Variants in TRIO observed in about 807,000 individuals in gnomAD.
TRIO encodes triple functional domain protein.
Under a neutral mutation model 351.9 loss-of-function variants are expected in TRIO, and 58 were observed. The observed-to-expected ratio is 0.16, with a 90% CI of 0.13 to 0.21. The LOEUF is 0.21. Among genes scored for constraint, TRIO ranks in the 10% least tolerant of loss-of-function variants. The probability of loss-of-function intolerance (pLI) is 1.00; values close to 1 mark genes in which losing one functional copy is unlikely to be tolerated. For missense variants in TRIO, 3,201 were observed against 4,027.8 expected, an observed-to-expected ratio of 0.79 and a Z score of 5.56; for synonymous variants, 1,758 against 1,595.7, an observed-to-expected ratio of 1.10 and a Z score of -2.42.
At chr5:14,160,261 G>A (rs1340566918) in intron 1 of TRIO, among the ~76,000 whole-genome samples, 1 of 152,196 alleles carries the variant, frequency 6.6e-6, no homozygotes, top group Non-Finnish European at 1.5e-5. Flanking sequence ...AGGTCTGTCA[G>A]AACAAGAGTC....
chr5:14,487,807 G>A lies in TRIO; in HGVS notation c.7179G>A (p.Arg2393=), dbSNP rs1027020749. 3 of 1,416,170 alleles carry A rather than the reference G, an allele frequency of 2.1e-6. No individual in the cohort carries two copies. Among genetic ancestry groups the A allele is most frequent in the Admixed American group, 3.3e-5 (1 of 30,094 alleles). 87.7% of individuals were successfully genotyped at this position (1,416,170 alleles called of 1,614,324 possible). A position where few individuals can be genotyped will look rare whatever the true frequency, so the allele number is the denominator to read the frequency against. The change falls in exon 48 of 57, where the codon CGG becomes CGA. Residue 2393 remains arginine (R), a synonymous_variant. Transcript: ENST00000344204. The part of the protein sequence containing the change: ...PEAGPSAPSR[R]PPGADAEGSE... ...CCGGCCCCAGCGCGCCCAGCAGGCG[G>A]CCCCCCGGCGCGGACGCCGAGGGGT...
intron 33 of TRIO, chr5:14,418,667 T>A (rs1330979387): frequency 1.3e-5 from 2 of 152,776 alleles, no homozygotes; most frequent in Non-Finnish European, 2.9e-5. Context: ...TAGTCTGCAG[T>A]TGGGATGCTT....
chr5:14,391,877 T>A (rs1028193068), intron 27 of TRIO, among the ~76,000 whole-genome samples: 9 of 152,254 alleles, frequency 5.9e-5, no homozygotes, highest in African/African-American at 2.2e-4. Flanking sequence ...GTCATTCTCC[T>A]GACCATTACA....
intron 1 of TRIO, chr5:14,183,808 T>C (rs1789940058): frequency 1.6e-6 from 1 of 621,138 alleles, no homozygotes; most frequent in Admixed American, 2.2e-5. Flanking sequence ...ATTTGGGATA[T>C]CTAGAGGTTG....
At position 14,487,983 on chromosome 5, in the gene TRIO, G is replaced by A; in HGVS notation, c.7355G>A (p.Gly2452Glu). ...CTGCCGCTTGGGAAGCCCCGGGCCG[G>A]GGCCGCTTCGCCGCTGAACTCGCCG... is the stretch of plus-strand genomic sequence containing the variant. ...GTLPLGKPRA[G>E]AASPLNSPLS... The change falls in exon 48 of 57, where the codon GGG (glycine) becomes GAG (glutamate). Residue 2452 changes from glycine (G) to glutamate (E), a missense_variant. Physicochemically the swap from Gly to Glu is moderately conservative, Grantham distance 98. Transcript: ENST00000344204. 6.4e-7 allele frequency: 1 copy of A among 1,557,650 alleles called. No individual in the cohort carries two copies. The highest frequency in any genetic ancestry group is 8.7e-7 in the Non-Finnish European group (1 of 1,152,004).
At chr5:14,190,972 T>C (rs978065240) in intron 1 of TRIO, among the ~76,000 whole-genome samples, 1 of 150,796 alleles carries the variant, frequency 6.6e-6, no homozygotes, top group African/African-American at 2.5e-5. Flanking sequence ...TCCCCTGAGA[T>C]TGATATGTAT....
intron 33 of TRIO, among the ~76,000 whole-genome samples, chr5:14,410,926 G>A (rs949744384): frequency 6.6e-6 from 1 of 152,200 alleles, no homozygotes; most frequent in East Asian, 1.9e-4. Context: ...TTCCAGAAGT[G>A]AATTTAGTAC....
intron 54 of TRIO, among the ~76,000 whole-genome samples, chr5:14,503,865 C>A (rs867986490): frequency 6.6e-6 from 1 of 152,256 alleles, no homozygotes; most frequent in Non-Finnish European, 1.5e-5. Flanking sequence ...GGTCCAAGGC[C>A]TCGTCCAGAT....
chr5:14,409,809 TG>T (rs1749041894), intron 33 of TRIO, among the ~76,000 whole-genome samples: 1 of 140,350 alleles, frequency 7.1e-6, no homozygotes, highest in African/African-American at 2.7e-5. Context: ...CACTCCCACC[TG>T]GGCGACAGAG....
intron 34 of TRIO, among the ~76,000 whole-genome samples, chr5:14,433,516 C>T (rs915480342): frequency 6.6e-6 from 1 of 152,072 alleles, no homozygotes; most frequent in Admixed American, 6.5e-5. Flanking sequence ...TTGTGCAGAG[C>T]GGAAACGCAT....
In TRIO at chr5:14,389,411, T is replaced by G. The variant is rs371301290; in HGVS notation, c.4058+13T>G. The stretch of plus-strand genomic sequence containing the variant: ...AATTTCATAATAAGTGAGTGGCTTT[T>G]TCTTTGGGAGCAGTTACGCTTGAAA... On this transcript the variant is annotated intron_variant, in intron 25 of 56. Coordinates refer to ENST00000344204, the MANE Select transcript of TRIO (RefSeq NM_007118.4). 13 of 1,586,664 alleles carry G rather than the reference T, an allele frequency of 8.2e-6. No homozygotes were observed. The African/African-American group carries it at 1.5e-4, about 18-fold the overall frequency.
chr5:14,282,447 T>G (rs1736085354), intron 3 of TRIO, among the ~76,000 whole-genome samples: 1 of 152,238 alleles, frequency 6.6e-6, no homozygotes, highest in African/African-American at 2.4e-5. Flanking sequence ...TAGTGGTAAC[T>G]TTGACAACTT....
chr5:14,311,352 C>G (rs1738913061), intron 8 of TRIO, among the ~76,000 whole-genome samples: 1 of 152,164 alleles, frequency 6.6e-6, no homozygotes, highest in Non-Finnish European at 1.5e-5. Context: ...GAATAAGAAA[C>G]TGAATAGCTG....
intron 1 of TRIO, among the ~76,000 whole-genome samples, chr5:14,247,794 A>C (rs1337038691): frequency 1.3e-5 from 2 of 152,176 alleles, no homozygotes; most frequent in East Asian, 3.8e-4. Flanking sequence ...TAGGCAGGGC[A>C]CGGTGGCTCA....
At chr5:14,468,718 G>A (rs112116365) in intron 37 of TRIO, among the ~76,000 whole-genome samples, 3 of 152,340 alleles carry the variant, frequency 2.0e-5, no homozygotes, top group African/African-American at 7.2e-5. Flanking sequence ...GGTGATTTCT[G>A]AGGCTGTCGC....
chr5:14,301,083 A>T (rs1164354359), intron 7 of TRIO, among the ~76,000 whole-genome samples: 1 of 152,122 alleles, frequency 6.6e-6, no homozygotes, highest in Admixed American at 6.5e-5. Flanking sequence ...TGGCTCCCAG[A>T]TTGGAGGCCC....
intron 1 of TRIO, among the ~76,000 whole-genome samples, chr5:14,247,645 G>T (rs938259896): frequency 6.6e-6 from 1 of 152,158 alleles, no homozygotes; most frequent in African/African-American, 2.4e-5. Flanking sequence ...CTTAAAATAG[G>T]TGTTAATTTT....
rs1301429194 is a variant in TRIO at position 14,475,319 on chromosome 5, C to T, written c.6083+1222C>T. 2.0e-5 allele frequency among the ~76,000 whole-genome samples: 3 copies of T among 149,326 alleles called. No individual in the cohort carries two copies. In the Admixed American group the frequency reaches 2.0e-4, roughly 10 times the overall value. ...TGCTCAGGGTGGAGCACGATGTCAT[C>T]ACCTCCAAAGCTCTGGCCTCTCTCT... is the stretch of plus-strand genomic sequence containing the variant. On this transcript the variant is annotated intron_variant, in intron 40 of 56. Transcript: ENST00000344204.
At chr5:14,473,857 T>G in intron 39 of TRIO, 137 bp from the exon 40 acceptor site, 1 of 688,998 alleles carries the variant, frequency 1.5e-6, no homozygotes, top group Non-Finnish European at 2.3e-6. Context: ...CGGTTTTTTT[T>G]GTTTGTTTTT....
Sources: gnomAD v4.1 joint callset for allele counts (sites outside exome capture counted in the v4.1 genomes callset) on GRCh38, gnomAD v4.1.1 for gene constraint, MANE v1.5 for transcripts, NCBI Gene and HGNC (gene_info 2026-07-23, HGNC 2026-07-21) for gene names.